AFF2: variants seen among roughly 807,000 people sequenced by gnomAD.
AFF2 encodes the protein ALF transcription elongation factor 2.
AFF2 carries 14 observed loss-of-function variants against 76.9 expected under a neutral mutation model. The ratio of observed to expected loss-of-function variants is 0.18; its 90% CI spans 0.12 to 0.28. AFF2 has a LOEUF of 0.28. AFF2 is among the 10% of genes least tolerant of loss of function. The pLI, the probability that AFF2 is intolerant of heterozygous loss-of-function variation, is 1.00. For missense variants in AFF2, 868 were observed against 1,001.1 expected, an observed-to-expected ratio of 0.87 and a Z score of 1.79; for synonymous variants, 398 against 366.7, an observed-to-expected ratio of 1.09 and a Z score of -0.98.
At chrX:148,798,659 C>T (rs1354520926) in intron 3 of AFF2, among the ~76,000 whole-genome samples, 3 of 112,278 alleles carry the variant, frequency 2.7e-5, no homozygotes, top group African/African-American at 9.7e-5. Context: ...GTTTATCCTA[C>T]ATACTTCCAC....
At chrX:148,762,755 C>T (rs2069467675) in intron 3 of AFF2, among the ~76,000 whole-genome samples, 1 of 110,936 alleles carries the variant, frequency 9.0e-6, no homozygotes, top group Non-Finnish European at 1.9e-5. Context: ...GAACTGACTG[C>T]TCTTTGTGAC....
At chrX:148,918,591 A>G (rs1488045661) in intron 9 of AFF2, among the ~76,000 whole-genome samples, 1 of 111,826 alleles carries the variant, frequency 8.9e-6, no homozygotes, top group Admixed American at 9.5e-5. Context: ...CAGAGACACA[A>G]ATTCGGAAAT....
At chrX:148,634,189 G>T (rs2054006626) in intron 1 of AFF2, among the ~76,000 whole-genome samples, 1 of 111,836 alleles carries the variant, frequency 8.9e-6, no homozygotes, top group Admixed American at 9.5e-5. Flanking sequence ...AAAGTGTTTC[G>T]CAGGTGTGTG....
intron 1 of AFF2, among the ~76,000 whole-genome samples, chrX:148,613,661 A>G (rs1181500370): frequency 9.0e-6 from 1 of 111,188 alleles, no homozygotes; most frequent in Non-Finnish European, 1.9e-5. Flanking sequence ...TTTATCTCCC[A>G]TCACATGCCC....
At chrX:148,676,187 G>A (rs1165706532) in intron 3 of AFF2, among the ~76,000 whole-genome samples, 1 of 107,789 alleles carries the variant, frequency 9.3e-6, no homozygotes, top group Non-Finnish European at 1.9e-5. Flanking sequence ...AGCCTCCCAA[G>A]TAGCTGGGAC....
chrX:148,752,580 G>A (rs2055514950), intron 3 of AFF2, among the ~76,000 whole-genome samples: 1 of 111,928 alleles, frequency 8.9e-6, no homozygotes, highest in African/African-American at 3.2e-5. Flanking sequence ...ATGAGCCACA[G>A]CACGTCCCTG....
At chrX:148,927,251 G>A (rs1440257576) in intron 9 of AFF2, among the ~76,000 whole-genome samples, 1 of 111,985 alleles carries the variant, frequency 8.9e-6, no homozygotes. Flanking sequence ...GTATGGCTGA[G>A]GCAGGGTTCA....
intron 3 of AFF2, among the ~76,000 whole-genome samples, chrX:148,689,474 C>T (rs2054630080): frequency 9.1e-6 from 1 of 110,444 alleles, no homozygotes; most frequent in South Asian, 3.9e-4. Flanking sequence ...TCACAATGGC[C>T]TCCTGGAGTG....
chrX:148,988,052 G>A (rs187926605), intron 20 of AFF2, among the ~76,000 whole-genome samples: 27 of 111,784 alleles, frequency 2.4e-4, no homozygotes, highest in Middle Eastern at 4.6e-3. Flanking sequence ...CGATGGCTGG[G>A]ATGAAGAATC....
intron 1 of AFF2, among the ~76,000 whole-genome samples, chrX:148,514,191 AAGTATAAATACC>A (rs1165585217): frequency 6.2e-5 from 7 of 112,144 alleles, no homozygotes; most frequent in Admixed American, 1.9e-4. Flanking sequence ...AAAACCACAG[AAGTATAAATACC>A]AGTAATGAAA....
At chrX:148,731,620 C>T (rs1040296597) in intron 3 of AFF2, among the ~76,000 whole-genome samples, 1 of 109,850 alleles carries the variant, frequency 9.1e-6, no homozygotes, top group Non-Finnish European at 1.9e-5. Flanking sequence ...AGAAACTACC[C>T]TCAGAGTGAA....
At position 148,667,057 on chromosome X, in the gene AFF2, G is replaced by C. The variant is rs182559327; in HGVS notation, c.1041+4289G>C. On this transcript the variant is annotated intron_variant, in intron 3 of 20. Coordinates refer to ENST00000370460, the MANE Select transcript of AFF2 (RefSeq NM_002025.4). ...CGTGTAGAGTGTCATATCCCTAAAGGGTCATTTGCTTTACATGCTGCTCTT... is the reference window on the plus strand; with the variant it reads ...CGTGTAGAGTGTCATATCCCTAAAGCGTCATTTGCTTTACATGCTGCTCTT... Among the ~76,000 whole-genome samples, 3 of 112,036 alleles carry C rather than the reference G, an allele frequency of 2.7e-5. No homozygotes were observed. The East Asian group carries it at 8.4e-4, about 31-fold the overall frequency.
intron 1 of AFF2, among the ~76,000 whole-genome samples, chrX:148,509,228 A>G (rs1557232849): frequency 8.9e-6 from 1 of 112,127 alleles, no homozygotes; most frequent in East Asian, 2.8e-4. Flanking sequence ...AGAGAATGCA[A>G]GCTAAGTAGG....
chrX:148,805,557 T>C (rs1190198751), intron 3 of AFF2, among the ~76,000 whole-genome samples: 2 of 112,427 alleles, frequency 1.8e-5, no homozygotes, highest in Non-Finnish European at 3.8e-5. Flanking sequence ...TATCTTGTAT[T>C]ACCCTAATCG....
chrX:148,626,111 CA>C (rs1421632647), intron 1 of AFF2, among the ~76,000 whole-genome samples: 1 of 111,991 alleles, frequency 8.9e-6, no homozygotes, highest in Non-Finnish European at 1.9e-5. Context: ...AGAGGCCCAG[CA>C]GTTTGGTGGA....
chrX:148,756,270 C>A, intron 3 of AFF2, among the ~76,000 whole-genome samples: 1 of 112,385 alleles, frequency 8.9e-6, no homozygotes. Flanking sequence ...TTATATAGAG[C>A]TGGCTTGGTG....
intron 12 of AFF2, among the ~76,000 whole-genome samples, chrX:148,961,530 A>ATGTTGTGT (rs1388236044): frequency 8.9e-6 from 1 of 112,431 alleles, no homozygotes; most frequent in Non-Finnish European, 1.9e-5. Context: ...AAAAAGTAAC[A>ATGTTGTGT]TAGGGCCACA....
At chrX:148,871,615 G>C (rs2070977011) in intron 7 of AFF2, among the ~76,000 whole-genome samples, 1 of 111,831 alleles carries the variant, frequency 8.9e-6, no homozygotes, top group South Asian at 3.8e-4. Flanking sequence ...CCACATGCCT[G>C]CCTGTGGGTT....
At chrX:148,766,646 T>A (rs782431057) in intron 3 of AFF2, among the ~76,000 whole-genome samples, 1 of 108,926 alleles carries the variant, frequency 9.2e-6, no homozygotes, top group Non-Finnish European at 1.9e-5. Flanking sequence ...TTTCTCCCAT[T>A]TTGTAGGTTG....
Sources: allele counts gnomAD v4.1 joint callset (sites outside exome capture counted in the v4.1 genomes callset), GRCh38; gene constraint gnomAD v4.1.1; transcripts MANE v1.5; gene names NCBI Gene and HGNC (gene_info 2026-07-23, HGNC 2026-07-21).